Variants in C10orf90 observed in about 807,000 individuals in gnomAD.
C10orf90 encodes chromosome 10 open reading frame 90.
A neutral mutation model predicts 62.5 loss-of-function variants in C10orf90; 56 were observed. That is an observed-to-expected ratio of 0.90 (90% CI 0.72 to 1.12). The LOEUF (loss-of-function observed/expected upper bound fraction) is 1.12, where lower values mean the gene tolerates loss of function less well. Ranked by LOEUF, C10orf90 falls within the 50% of genes most tolerant of loss-of-function variation. The probability of loss-of-function intolerance (pLI) is 0.00; values close to 1 mark genes in which losing one functional copy is unlikely to be tolerated. For missense variants in C10orf90, 970 were observed against 880.4 expected (o/e 1.10, Z -1.29); for synonymous variants, 386 against 340.4 (o/e 1.13, Z -1.47).
intron 2 of C10orf90, among the ~76,000 whole-genome samples, chr10:126,640,882 G>T (rs1846046134): frequency 6.6e-6 from 1 of 152,184 alleles, no homozygotes; most frequent in Admixed American, 6.5e-5. Flanking sequence ...TGTGATTTTT[G>T]ATTGGAGAAG....
chr10:126,502,835 C>G (rs761567727), intron 4 of C10orf90: 14 of 526,828 alleles, frequency 2.7e-5, no homozygotes, highest in South Asian at 1.9e-4. Flanking sequence ...TGTAATAAGT[C>G]TGTAAGACAT....
intron 4 of C10orf90, among the ~76,000 whole-genome samples, chr10:126,490,021 A>AAT (rs1554897545): frequency 1.6e-4 from 10 of 63,938 alleles, no homozygotes; most frequent in African/African-American, 5.2e-4. Flanking sequence ...TATTATATAT[A>AAT]ATATATAATA....
chr10:126,649,068 CT>C lies in C10orf90; in HGVS notation c.241-2432del, dbSNP rs869044439. On this transcript the variant is annotated intron_variant, in intron 1 of 9. Transcript: ENST00000488181. Reference sequence around the variant, plus strand: ...TCTCTCTCTCTCTCTCTCTCTCTCTCTCTCCCCCCCCCCCAGCAATTCACAA... The same window carrying C: ...TCTCTCTCTCTCTCTCTCTCTCTCTCCTCCCCCCCCCCCAGCAATTCACAA... 1.3e-4 allele frequency among the ~76,000 whole-genome samples: 7 copies of C among 53,006 alleles called. 1 individual carries two copies. The highest frequency in any genetic ancestry group is 4.8e-4 in the African/African-American group (6 of 12,600). The allele number at this position is 53,006 out of a possible 152,430, so 34.8% of individuals were successfully genotyped here.
At chr10:126,521,580 G>A (rs544024130) in intron 2 of C10orf90, 20 of 714,852 alleles carry the variant, frequency 2.8e-5, no homozygotes, top group African/African-American at 2.2e-4. Context: ...AGCAGCAATC[G>A]TCTCTTTGAT....
chr10:126,641,463 C>T (rs760572161), intron 2 of C10orf90, among the ~76,000 whole-genome samples: 62 of 152,196 alleles, frequency 4.1e-4, no homozygotes, highest in Admixed American at 1.8e-3. Context: ...GAAAATTCCA[C>T]GCCCCCCGCC....
At chr10:126,645,043 T>C (rs1419058742) in intron 2 of C10orf90, among the ~76,000 whole-genome samples, 1 of 150,302 alleles carries the variant, frequency 6.7e-6, no homozygotes, top group Admixed American at 6.6e-5. Flanking sequence ...TTCTCACTCA[T>C]AGGTGGGAAT....
intron 4 of C10orf90, among the ~76,000 whole-genome samples, chr10:126,488,208 T>A (rs145507763): frequency 6.6e-6 from 1 of 152,144 alleles, no homozygotes; most frequent in African/African-American, 2.4e-5. Context: ...AAATGTATGA[T>A]AATAACTAGC....
At chr10:126,611,489 A>G (rs918472259) in intron 2 of C10orf90, among the ~76,000 whole-genome samples, 2 of 152,174 alleles carry the variant, frequency 1.3e-5, no homozygotes, top group African/African-American at 4.8e-5. Flanking sequence ...ATGTGAACAT[A>G]TGTTTTTGTT....
At chr10:126,427,960 G>T (rs995266705) in intron 8 of C10orf90, among the ~76,000 whole-genome samples, 4 of 152,080 alleles carry the variant, frequency 2.6e-5, no homozygotes, top group African/African-American at 9.7e-5. Flanking sequence ...TAAAATAAAG[G>T]CTCCTAGGTC....
At chr10:126,549,132 T>C (rs1217526426) in intron 2 of C10orf90, among the ~76,000 whole-genome samples, 1 of 152,186 alleles carries the variant, frequency 6.6e-6, no homozygotes, top group Non-Finnish European at 1.5e-5. Context: ...ACAAAAAGAA[T>C]GATCCACAAA....
At chr10:126,603,865 A>G (rs1181393481) in intron 2 of C10orf90, among the ~76,000 whole-genome samples, 1 of 152,132 alleles carries the variant, frequency 6.6e-6, no homozygotes, top group Non-Finnish European at 1.5e-5. Context: ...TGACAAGACG[A>G]GCCATATGCA....
At chr10:126,448,685 AGAG>A (rs1276445288) in intron 7 of C10orf90, among the ~76,000 whole-genome samples, 3 of 152,232 alleles carry the variant, frequency 2.0e-5, no homozygotes, top group African/African-American at 7.2e-5. Flanking sequence ...TGAAAATGAA[AGAG>A]GAGACATGAA....
chr10:126,502,756 A>C (rs778955171), intron 4 of C10orf90: 4 of 508,900 alleles, frequency 7.9e-6, no homozygotes, highest in South Asian at 6.1e-5. Flanking sequence ...GCTTAGCTTG[A>C]GCAATCTCTT....
intron 2 of C10orf90, among the ~76,000 whole-genome samples, chr10:126,598,895 A>G: frequency 6.6e-6 from 1 of 152,160 alleles, no homozygotes; most frequent in East Asian, 1.9e-4. Context: ...CCTACCTTCC[A>G]ATTAAATAAT....
intron 2 of C10orf90, among the ~76,000 whole-genome samples, chr10:126,564,181 C>A (rs1290447509): frequency 2.6e-5 from 4 of 151,984 alleles, no homozygotes; most frequent in Non-Finnish European, 5.9e-5. Context: ...CGGAAGAAAT[C>A]CGGAGAAGCA....
chr10:126,648,221 C>T (rs112420728), intron 1 of C10orf90, among the ~76,000 whole-genome samples: 2 of 152,136 alleles, frequency 1.3e-5, no homozygotes, highest in African/African-American at 4.8e-5. Flanking sequence ...GAAAGAACTA[C>T]AGATTGTAGT....
chr10:126,507,128 C>T (rs931518386), intron 3 of C10orf90, among the ~76,000 whole-genome samples: 6 of 151,920 alleles, frequency 3.9e-5, no homozygotes, highest in Admixed American at 2.6e-4. Flanking sequence ...GAGGCCAAGG[C>T]GGGTGGATCA....
At chr10:126,640,365 C>A (rs1270393654) in intron 2 of C10orf90, among the ~76,000 whole-genome samples, 11 of 152,384 alleles carry the variant, frequency 7.2e-5, no homozygotes, top group Admixed American at 5.2e-4. Flanking sequence ...TCCCACCCTG[C>A]TCCGCAGGTT....
intron 2 of C10orf90, among the ~76,000 whole-genome samples, chr10:126,542,864 T>A (rs1168583260): frequency 6.6e-6 from 1 of 152,244 alleles, no homozygotes; most frequent in South Asian, 2.1e-4. Context: ...TTGTGATTCA[T>A]CTATTTCACT....
Sources: gnomAD v4.1 joint callset for allele counts (sites outside exome capture counted in the v4.1 genomes callset) on GRCh38, gnomAD v4.1.1 for gene constraint, MANE v1.5 for transcripts, NCBI Gene and HGNC (gene_info 2026-07-23, HGNC 2026-07-21) for gene names.